The following DNAH6 variants were observed in gnomAD, a reference collection of about 807,000 sequenced individuals.
The protein encoded by DNAH6 is dynein axonemal heavy chain 6, also known as axonemal beta dynein heavy chain 6.
Under a neutral mutation model 491.4 loss-of-function variants are expected in DNAH6, and 340 were observed. The observed-to-expected ratio is 0.69, with a 90% CI of 0.63 to 0.76. DNAH6 has a LOEUF of 0.76. Ranked by LOEUF, DNAH6 falls within the 30% of genes least tolerant of loss-of-function variation. The pLI, the probability that DNAH6 is intolerant of heterozygous loss-of-function variation, is 0.00. For synonymous variants in DNAH6, 1,603 were observed against 1,686.1 expected, an observed-to-expected ratio of 0.95 and a Z score of 1.21; for missense variants, 4,443 against 4,972.2, an observed-to-expected ratio of 0.89 and a Z score of 3.20.
intron 42 of DNAH6, among the ~76,000 whole-genome samples, chr2:84,682,140 G>A (rs971383825): frequency 2.0e-4 from 30 of 151,986 alleles, no homozygotes; most frequent in African/African-American, 6.3e-4. Flanking sequence ...TTTACTATAC[G>A]TCAATCAAAG....
rs1469571492 is a variant in DNAH6, at chr2:84,812,326, T to C, written c.11740-15T>C. 2 of 1,549,876 alleles carry C rather than the reference T, an allele frequency of 1.3e-6. No individual in the cohort carries two copies. ...ACATCTGCAAAGGCCACCAACCCCT[T>C]TTTTGTTCTTTCAGACTTCTCTGGA... On this transcript the variant is annotated splice_polypyrimidine_tract_variant and intron_variant, in intron 72 of 76. Transcript: ENST00000389394.
At chr2:84,805,636 C>T (rs1254960480) in intron 70 of DNAH6, 29 bp from the exon 71 acceptor site, 1 of 1,520,182 alleles carries the variant, frequency 6.6e-7, no homozygotes, top group East Asian at 2.5e-5. Context: ...TTTGAGTCTT[C>T]ACTGTTCTGT....
At chr2:84,599,314 A>G (rs1377929622) in intron 18 of DNAH6, among the ~76,000 whole-genome samples, 4 of 151,538 alleles carry the variant, frequency 2.6e-5, no homozygotes, top group Non-Finnish European at 5.9e-5. Flanking sequence ...TTCACAGAGC[A>G]AAAAGTTTTA....
At position 84,544,301 on chromosome 2, in the gene DNAH6, T is replaced by C; in HGVS notation, c.731T>C (p.Ile244Thr). The change falls in exon 5 of 77, where the codon ATT becomes ACT. Residue 244 changes from isoleucine (I) to threonine (T), a missense_variant. Physicochemically the swap from Ile to Thr is moderately conservative, Grantham distance 89. This residue lies in a region of DNAH6 where 2,977 missense variants were observed against 3,296.6 expected (regional missense o/e 0.90). Coordinates refer to ENST00000389394, the MANE Select transcript of DNAH6 (RefSeq NM_001370.2). ...YTISQRAVTHIYNEDIEFIEI... is the reference protein window; with the variant it reads ...YTISQRAVTHTYNEDIEFIEI... ...ATTAGCCAAAGGGCAGTAACACACA[T>C]TTATAATGAAGACATTGAATTTATC... 2 of 1,532,024 alleles carry C rather than the reference T, an allele frequency of 1.3e-6. No homozygotes were observed. The highest frequency in any genetic ancestry group is 1.4e-5 in the African/African-American group (1 of 72,870). The allele number at this position is 1,532,024 out of a possible 1,614,324, so 94.9% of individuals were successfully genotyped here.
At chr2:84,683,391 C>T (rs1410553119) in intron 42 of DNAH6, among the ~76,000 whole-genome samples, 1 of 146,482 alleles carries the variant, frequency 6.8e-6, no homozygotes. Context: ...CATCCAGTGC[C>T]CTTTGTTCTA....
At chr2:84,647,007 A>ATTT (rs1689964919) in intron 33 of DNAH6, among the ~76,000 whole-genome samples, 1 of 151,950 alleles carries the variant, frequency 6.6e-6, no homozygotes, top group Non-Finnish European at 1.5e-5. Flanking sequence ...GCCACCACCC[A>ATTT]TGGCTAATTT....
Position 84,518,046 on chromosome 2 carries a change from C to T in DNAH6, c.220C>T (p.Pro74Ser), listed in dbSNP as rs1454812192. 6.5e-7 allele frequency: 1 copy of T among 1,541,306 alleles called. No homozygotes were observed. The highest frequency in any genetic ancestry group is 8.7e-7 in the Non-Finnish European group (1 of 1,144,194). The stretch of plus-strand genomic sequence containing the variant: ...ACGACAGCAGCCTATAAAACTAGAG[C>T]CTTTGGTAAGTTCAAAAACCATTGT... The part of the protein sequence containing the change: ...RKRQQPIKLE[P>S]LPVLKVYQDH... The change falls in exon 2 of 77, where the codon CCT becomes TCT. Residue 74 changes from proline to serine, a missense_variant. By Grantham distance (74) the Pro-to-Ser change is moderately conservative (BLOSUM62 -1). This residue lies in a region of DNAH6 where 2,977 missense variants were observed against 3,296.6 expected (regional missense o/e 0.90). Coordinates refer to ENST00000389394, the MANE Select transcript of DNAH6 (RefSeq NM_001370.2).
At chr2:84,765,421 T>G (rs1674985502) in intron 64 of DNAH6, among the ~76,000 whole-genome samples, 1 of 152,056 alleles carries the variant, frequency 6.6e-6, no homozygotes, top group Admixed American at 6.5e-5. Context: ...GAATTCAAGA[T>G]GACAATTAGA....
chr2:84,604,887 T>A (rs902573743), intron 19 of DNAH6, among the ~76,000 whole-genome samples: 5 of 152,164 alleles, frequency 3.3e-5, no homozygotes, highest in African/African-American at 1.2e-4. Flanking sequence ...CAAAAGACAT[T>A]AAGATTTTCC....
intron 35 of DNAH6, among the ~76,000 whole-genome samples, chr2:84,657,330 A>G (rs1691079562): frequency 6.6e-6 from 1 of 151,918 alleles, no homozygotes; most frequent in African/African-American, 2.4e-5. Flanking sequence ...TTCCATATAA[A>G]CTTTAGAATC....
intron 13 of DNAH6, among the ~76,000 whole-genome samples, chr2:84,577,702 A>G (rs1478124063): frequency 6.6e-6 from 1 of 152,084 alleles, no homozygotes; most frequent in Non-Finnish European, 1.5e-5. Flanking sequence ...CTACCATAAC[A>G]GCTCAATATC....
chr2:84,781,888 C>A (rs1676734489), intron 65 of DNAH6, among the ~76,000 whole-genome samples: 2 of 152,104 alleles, frequency 1.3e-5, no homozygotes, highest in Non-Finnish European at 2.9e-5. Context: ...TTCTTATTGC[C>A]TTCTATGAGA....
the DNAH6 span, among the ~76,000 whole-genome samples, chr2:84,480,790 C>G: frequency 2.0e-5 from 3 of 152,080 alleles, no homozygotes; most frequent in Admixed American, 6.5e-5. Flanking sequence ...TGGAGAAACC[C>G]CGTCTCTACT....
Position 84,681,425 on chromosome 2 carries a change from A to T in DNAH6, c.6813A>T (p.Glu2271Asp), listed in dbSNP as rs1359083638. 7 of 1,551,574 alleles carry T rather than the reference A, an allele frequency of 4.5e-6. No homozygotes were observed. In the East Asian group the frequency reaches 1.7e-4, roughly 38 times the overall value. The part of the protein sequence containing the change: ...AVKQTASSIV[E>D]ASVEIYNKMS... ...AGCAAACTGCATCAAGCATTGTAGA[A>T]GCCTCAGTTGAGATTTATAACAAAA... Residue 2271 changes from glutamate (E) to aspartate (D), a missense_variant, in exon 42 of 77, where the codon GAA becomes GAT. Physicochemically the swap from Glu to Asp is conservative, Grantham distance 45. Around this residue, in one of 3 missense-constraint regions of DNAH6, gnomAD observed 2,977 missense variants for 3,296.6 expected, o/e 0.90. Coordinates refer to ENST00000389394, the MANE Select transcript of DNAH6 (RefSeq NM_001370.2).
At chr2:84,668,965 T>A (rs1692454788) in intron 37 of DNAH6, among the ~76,000 whole-genome samples, 1 of 152,152 alleles carries the variant, frequency 6.6e-6, no homozygotes, top group Non-Finnish European at 1.5e-5. Flanking sequence ...AGGCTGGGTC[T>A]CATTCAGCAC....
intron 18 of DNAH6, among the ~76,000 whole-genome samples, chr2:84,596,045 A>G (rs1191297050): frequency 6.6e-6 from 1 of 152,166 alleles, no homozygotes; most frequent in Non-Finnish European, 1.5e-5. Flanking sequence ...TAGTGCAGGA[A>G]TAGGTTGTAG....
chr2:84,662,724 C>T (rs898494342), intron 37 of DNAH6, among the ~76,000 whole-genome samples: 1 of 152,180 alleles, frequency 6.6e-6, no homozygotes, highest in African/African-American at 2.4e-5. Context: ...CAGACTTAAA[C>T]GTCCCTGTCT....
intron 70 of DNAH6, among the ~76,000 whole-genome samples, chr2:84,800,506 G>T (rs1209026256): frequency 6.6e-6 from 1 of 152,166 alleles, no homozygotes; most frequent in Non-Finnish European, 1.5e-5. Flanking sequence ...ATGCAAAGAA[G>T]CCAGAGAAAT....
At chr2:84,814,656 C>T (rs143859684) in intron 75 of DNAH6, among the ~76,000 whole-genome samples, 1 of 152,328 alleles carries the variant, frequency 6.6e-6, no homozygotes, top group East Asian at 1.9e-4. Context: ...GGTCCATGCT[C>T]AGCACACTCC....
Sources: gnomAD v4.1 joint callset for allele counts (sites outside exome capture counted in the v4.1 genomes callset) on GRCh38, gnomAD v4.1.1 for gene constraint, gnomAD v4.1.1 regional missense constraint, MANE v1.5 for transcripts, NCBI Gene and HGNC (gene_info 2026-07-23, HGNC 2026-07-21) for gene names.